The following SLC4A10 variants were observed in gnomAD, a reference collection of about 807,000 sequenced individuals.
SLC4A10 encodes the protein solute carrier family 4 member 10, also known as sodium-driven chloride bicarbonate exchanger.
In SLC4A10, 42 loss-of-function variants were observed where a neutral mutation model predicts 137.7. That is an observed-to-expected ratio of 0.30 (90% CI 0.24 to 0.39). The LOEUF is 0.39. Ranked by LOEUF, SLC4A10 falls within the 10% of genes least tolerant of loss-of-function variation. The pLI is 1.00. For missense variants in SLC4A10, 925 were observed against 1,355.0 expected (o/e 0.68, Z 4.98); for synonymous variants, 474 against 464.1 (o/e 1.02, Z -0.27).
intron 15 of SLC4A10, among the ~76,000 whole-genome samples, chr2:161,910,693 AGT>A (rs2105396576): frequency 6.6e-6 from 1 of 152,144 alleles, no homozygotes; most frequent in South Asian, 2.1e-4. Flanking sequence ...CTGTTGAAGG[AGT>A]GTTCTCACCA....
At chr2:161,657,170 G>A (rs1216442582) in intron 1 of SLC4A10, among the ~76,000 whole-genome samples, 1 of 151,774 alleles carries the variant, frequency 6.6e-6, no homozygotes, top group Non-Finnish European at 1.5e-5. Flanking sequence ...TAATATATAT[G>A]AATATTGAGT....
intron 1 of SLC4A10, among the ~76,000 whole-genome samples, chr2:161,704,935 C>G (rs917251892): frequency 4.6e-5 from 7 of 151,576 alleles, no homozygotes; most frequent in Admixed American, 2.0e-4. Context: ...TTTTAAGACT[C>G]AATACATTTT....
intron 1 of SLC4A10, among the ~76,000 whole-genome samples, chr2:161,698,172 T>C (rs1366859261): frequency 6.6e-6 from 1 of 152,264 alleles, no homozygotes. Flanking sequence ...CTTGAGACTT[T>C]GCTGAAGTTG....
At chr2:161,717,822 G>A (rs893730835) in intron 1 of SLC4A10, among the ~76,000 whole-genome samples, 2 of 152,138 alleles carry the variant, frequency 1.3e-5, no homozygotes, top group East Asian at 3.8e-4. Context: ...GGTTTACAGA[G>A]GAGTCCCTCC....
chr2:161,927,547 T>A (rs1689399387), intron 15 of SLC4A10, among the ~76,000 whole-genome samples: 1 of 152,184 alleles, frequency 6.6e-6, no homozygotes, highest in Non-Finnish European at 1.5e-5. Context: ...GAAGAGCTTC[T>A]GCACAGTAAA....
chr2:161,750,491 A>G, intron 1 of SLC4A10, among the ~76,000 whole-genome samples: 1 of 151,382 alleles, frequency 6.6e-6, no homozygotes. Flanking sequence ...TCTTTGTTTC[A>G]GTGATTATTC....
intron 3 of SLC4A10, among the ~76,000 whole-genome samples, chr2:161,814,352 T>C (rs547724358): frequency 6.6e-6 from 1 of 152,272 alleles, no homozygotes; most frequent in East Asian, 1.9e-4. Flanking sequence ...GTTCAGCCAC[T>C]GTGGAAAGCA....
At chr2:161,837,230 G>T (rs1468063422) in intron 3 of SLC4A10, among the ~76,000 whole-genome samples, 2 of 152,044 alleles carry the variant, frequency 1.3e-5, no homozygotes, top group Admixed American at 1.3e-4. Flanking sequence ...AAAAAAATTA[G>T]AAATAATAAG....
chr2:161,632,896 A>G (rs925002960), intron 1 of SLC4A10, among the ~76,000 whole-genome samples: 1 of 151,754 alleles, frequency 6.6e-6, no homozygotes, highest in African/African-American at 2.4e-5. Context: ...AAGTTTTGCC[A>G]TAAAACAGCC....
chr2:161,770,629 C>G (rs1291836116), intron 1 of SLC4A10, among the ~76,000 whole-genome samples: 2 of 151,878 alleles, frequency 1.3e-5, no homozygotes, highest in Non-Finnish European at 2.9e-5. Context: ...AAAATGTCAT[C>G]TTGTTAACAA....
chr2:161,673,039 T>C (rs1558997907), intron 1 of SLC4A10, among the ~76,000 whole-genome samples: 1 of 152,218 alleles, frequency 6.6e-6, no homozygotes, highest in Non-Finnish European at 1.5e-5. Flanking sequence ...AGTGCAGTAT[T>C]ACTGCACTGG....
chr2:161,775,276 G>A (rs2052180867), intron 2 of SLC4A10, among the ~76,000 whole-genome samples: 1 of 151,856 alleles, frequency 6.6e-6, no homozygotes. Context: ...AACATGGTAT[G>A]CAGCTACTGA....
chr2:161,752,641 AT>A (rs1175890658), intron 1 of SLC4A10, among the ~76,000 whole-genome samples: 1 of 152,174 alleles, frequency 6.6e-6, no homozygotes, highest in Non-Finnish European at 1.5e-5. Flanking sequence ...AGCCATAAAA[AT>A]AAAAAAATCT....
At chr2:161,729,320 A>G (rs2046583455) in intron 1 of SLC4A10, among the ~76,000 whole-genome samples, 1 of 152,158 alleles carries the variant, frequency 6.6e-6, no homozygotes, top group African/African-American at 2.4e-5. Context: ...CCCCCAACCA[A>G]ACTCATAAAA....
intron 2 of SLC4A10, among the ~76,000 whole-genome samples, chr2:161,792,077 A>T (rs933155136): frequency 3.9e-5 from 6 of 152,158 alleles, no homozygotes; most frequent in Non-Finnish European, 8.8e-5. Flanking sequence ...TCTGTTTAGT[A>T]TGAGTTTCTA....
intron 1 of SLC4A10, among the ~76,000 whole-genome samples, chr2:161,706,648 C>T (rs1030412495): frequency 1.3e-5 from 2 of 151,498 alleles, no homozygotes; most frequent in African/African-American, 4.8e-5. Flanking sequence ...TTTCTCATTT[C>T]CCTAAGGGTA....
chr2:161,978,913 G>A (rs1699815496), intron 26 of SLC4A10, among the ~76,000 whole-genome samples: 1 of 152,106 alleles, frequency 6.6e-6, no homozygotes, highest in South Asian at 2.1e-4. Context: ...CTTTCTCAAA[G>A]ATCCTTGCTA....
intron 1 of SLC4A10, among the ~76,000 whole-genome samples, chr2:161,626,660 G>A (rs2032437602): frequency 6.6e-6 from 1 of 152,272 alleles, no homozygotes; most frequent in African/African-American, 2.4e-5. Flanking sequence ...AACATGTTAT[G>A]TAAAGCAGAT....
intron 1 of SLC4A10, among the ~76,000 whole-genome samples, chr2:161,750,044 G>T (rs1229505188): frequency 6.6e-6 from 1 of 151,604 alleles, no homozygotes; most frequent in Non-Finnish European, 1.5e-5. Flanking sequence ...ACATATAATT[G>T]TTTATAATAG....
Sources: allele counts gnomAD v4.1 joint callset (sites outside exome capture counted in the v4.1 genomes callset), GRCh38; gene constraint gnomAD v4.1.1; transcripts MANE v1.5; gene names NCBI Gene and HGNC (gene_info 2026-07-23, HGNC 2026-07-21).